CDH13: variants seen among roughly 807,000 people sequenced by gnomAD.
CDH13 encodes cadherin 13.
Under a neutral mutation model 63.8 loss-of-function variants are expected in CDH13, and 24 were observed. That is an observed-to-expected ratio of 0.38 (90% CI 0.27 to 0.53). CDH13 has a LOEUF of 0.53. Ranked by LOEUF, CDH13 falls within the 20% of genes least tolerant of loss-of-function variation. The probability of loss-of-function intolerance (pLI) is 0.85; values close to 1 mark genes in which losing one functional copy is unlikely to be tolerated. For missense variants in CDH13, 1,049 were observed against 903.1 expected, an observed-to-expected ratio of 1.16 and a Z score of -2.07; for synonymous variants, 503 against 355.3, an observed-to-expected ratio of 1.42 and a Z score of -4.67.
intron 7 of CDH13, among the ~76,000 whole-genome samples, chr16:83,556,015 C>G (rs1434343640): frequency 6.6e-6 from 1 of 152,176 alleles, no homozygotes; most frequent in Non-Finnish European, 1.5e-5. Flanking sequence ...AACTGTTTCA[C>G]TCCCTTTCCC....
chr16:83,041,831 T>G lies in CDH13; in HGVS notation c.366+9613T>G, dbSNP rs1178200975. ...ACATAATACTCTGGCCTTGTGTGGA[T>G]GCCATCATGAGACACATTTAATAAA... On this transcript the variant is annotated intron_variant, in intron 3 of 13. Transcript: ENST00000567109. Among the ~76,000 whole-genome samples, 7 of 152,220 alleles carry G rather than the reference T, an allele frequency of 4.6e-5. No individual in the cohort carries two copies. The East Asian group carries it at 1.3e-3, about 29-fold the overall frequency.
chr16:82,929,574 C>A (rs764621861), intron 2 of CDH13, among the ~76,000 whole-genome samples: 2 of 140,086 alleles, frequency 1.4e-5, no homozygotes, highest in Non-Finnish European at 3.0e-5. Context: ...ATGGCATGAA[C>A]TCGGGAGGCG....
At chr16:82,984,491 G>C (rs1364415967) in intron 2 of CDH13, among the ~76,000 whole-genome samples, 1 of 152,176 alleles carries the variant, frequency 6.6e-6, no homozygotes, top group Non-Finnish European at 1.5e-5. Flanking sequence ...TGTAAAATAA[G>C]GATGGTAATG....
intron 6 of CDH13, among the ~76,000 whole-genome samples, chr16:83,463,170 C>T (rs74035323): frequency 0.1 from 15,439 of 152,134 alleles, 989 homozygotes; most frequent in South Asian, 0.18. Context: ...GGGGCAGGGG[C>T]ATTGAAGATT....
At chr16:82,957,818 A>G (rs763767922) in intron 2 of CDH13, among the ~76,000 whole-genome samples, 2 of 152,258 alleles carry the variant, frequency 1.3e-5, no homozygotes, top group Non-Finnish European at 2.9e-5. Flanking sequence ...GATCTCTAGT[A>G]TAACTATAAT....
intron 10 of CDH13, among the ~76,000 whole-genome samples, chr16:83,726,609 G>A (rs1910417884): frequency 6.6e-6 from 1 of 152,190 alleles, no homozygotes; most frequent in African/African-American, 2.4e-5. Flanking sequence ...GCCGAGGCGG[G>A]CAGATCACGA....
At chr16:83,375,360 T>C (rs2091441200) in intron 6 of CDH13, among the ~76,000 whole-genome samples, 1 of 152,212 alleles carries the variant, frequency 6.6e-6, no homozygotes, top group Admixed American at 6.5e-5. Context: ...TGTGATTCTC[T>C]TTAAGGAGGG....
intron 8 of CDH13, among the ~76,000 whole-genome samples, chr16:83,661,482 CA>C (rs35875178): frequency 0.066 from 7,725 of 116,666 alleles, 529 homozygotes; most frequent in African/African-American, 0.2. Context: ...GACCCTGTCT[CA>C]AAAAAAAAAA....
At chr16:83,496,722 G>A (rs570544361) in intron 7 of CDH13, among the ~76,000 whole-genome samples, 2 of 152,228 alleles carry the variant, frequency 1.3e-5, no homozygotes, top group East Asian at 1.9e-4. Context: ...GAGTGAACAG[G>A]CGACCTACAA....
intron 7 of CDH13, among the ~76,000 whole-genome samples, chr16:83,497,076 GT>G (rs1455815493): frequency 1.3e-5 from 2 of 152,204 alleles, no homozygotes; most frequent in Non-Finnish European, 2.9e-5. Context: ...CTGTAAAGTA[GT>G]TCAACCATTG....
chr16:82,969,512 C>T (rs575319382), intron 2 of CDH13, among the ~76,000 whole-genome samples: 17 of 139,376 alleles, frequency 1.2e-4, no homozygotes, highest in African/African-American at 4.6e-4. Flanking sequence ...AGCTTTCTAG[C>T]TTCTCTCTGG....
At chr16:83,569,051 A>G (rs1904329571) in intron 7 of CDH13, among the ~76,000 whole-genome samples, 1 of 151,888 alleles carries the variant, frequency 6.6e-6, no homozygotes, top group Non-Finnish European at 1.5e-5. Flanking sequence ...GTCCCAAACC[A>G]CTGTCTGGCC....
rs569251084 is a variant in CDH13, at chr16:82,644,555, G to T, written c.45+17418G>T. Among the ~76,000 whole-genome samples the T allele has an allele frequency of 4.6e-5, 7 of 152,212 alleles. No homozygotes were observed. The highest frequency in any genetic ancestry group is 1.0e-4 in the Non-Finnish European group (7 of 68,040). ...GGTCCCCAGACCAGGCCCAGTGCAC[G>T]AGTTTGGGTGCTGGAAGGGGAGGCT... On this transcript the variant is annotated intron_variant, in intron 1 of 13. Transcript: ENST00000567109. This position sits in a 1 kb window ranked among gnomAD's most constrained non-coding sequence, Gnocchi z 5.7.
chr16:82,700,058 GTGACACAAAGT>G (rs879587893), intron 1 of CDH13, among the ~76,000 whole-genome samples: 8,846 of 152,242 alleles, frequency 0.058, 570 homozygotes, highest in African/African-American at 0.16. Flanking sequence ...CTTTACTAGG[GTGACACAAAGT>G]ATATTTTATG....
chr16:83,445,532 C>T (rs899183954), intron 6 of CDH13, among the ~76,000 whole-genome samples: 6 of 152,112 alleles, frequency 3.9e-5, no homozygotes, highest in African/African-American at 1.4e-4. Flanking sequence ...CGATAGCCTC[C>T]CACAGCTGCG....
At chr16:83,698,635 C>A (rs1034827481) in intron 10 of CDH13, among the ~76,000 whole-genome samples, 2 of 152,196 alleles carry the variant, frequency 1.3e-5, no homozygotes, top group Non-Finnish European at 2.9e-5. Flanking sequence ...GATGCTTAGC[C>A]CTAACTGATC....
At chr16:82,740,211 C>A (rs906604622) in intron 1 of CDH13, among the ~76,000 whole-genome samples, 2 of 152,148 alleles carry the variant, frequency 1.3e-5, no homozygotes, top group Non-Finnish European at 2.9e-5. Context: ...ATAATGCATG[C>A]CATCCCAACA....
intron 3 of CDH13, among the ~76,000 whole-genome samples, chr16:83,102,450 C>T (rs2034526809): frequency 6.6e-6 from 1 of 152,146 alleles, no homozygotes. Context: ...GCCAGTGTGC[C>T]TGGACTGAGC....
intron 11 of CDH13, among the ~76,000 whole-genome samples, chr16:83,765,563 CAA>C (rs1305924095): frequency 1.2e-4 from 11 of 89,914 alleles, no homozygotes; most frequent in South Asian, 3.9e-4. Context: ...TACACACACA[CAA>C]AGAGAGAGAG....
Sources: allele counts gnomAD v4.1 joint callset (sites outside exome capture counted in the v4.1 genomes callset), GRCh38; gene constraint gnomAD v4.1.1; non-coding constraint Gnocchi (gnomAD v3.1); transcripts MANE v1.5; gene names NCBI Gene and HGNC (gene_info 2026-07-23, HGNC 2026-07-21).